GRK5: variants seen among roughly 807,000 people sequenced by gnomAD.
GRK5 encodes g protein-coupled receptor kinase GRK5.
GRK5 carries 40 observed loss-of-function variants against 78.4 expected under a neutral mutation model. The observed-to-expected ratio is 0.51, with a 90% CI of 0.40 to 0.66. GRK5 has a LOEUF of 0.66. GRK5 is among the 30% of genes least tolerant of loss of function. The probability of loss-of-function intolerance (pLI) is 0.00; values close to 1 mark genes in which losing one functional copy is unlikely to be tolerated. For missense variants in GRK5, 598 were observed against 759.9 expected (o/e 0.79, Z 2.50); for synonymous variants, 289 against 296.8 (o/e 0.97, Z 0.27).
At chr10:119,380,787 C>T (rs778956510) in intron 2 of GRK5, 28 bp from the exon 3 acceptor site, 7 of 1,433,262 alleles carry the variant, frequency 4.9e-6, no homozygotes, top group Non-Finnish European at 6.9e-6. Flanking sequence ...TCCTGGGTCT[C>T]ATCACATTCT....
At chr10:119,211,409 G>A (rs1848484403) in intron 1 of GRK5, 2 of 152,178 alleles carry the variant, frequency 1.3e-5, no homozygotes, top group Non-Finnish European at 2.9e-5. Flanking sequence ...AGAGTTTGCT[G>A]AGTGCCTTTT....
chr10:119,370,563 T>A (rs1851530499), intron 2 of GRK5, among the ~76,000 whole-genome samples: 1 of 152,224 alleles, frequency 6.6e-6, no homozygotes, highest in Non-Finnish European at 1.5e-5. Flanking sequence ...AAATGTTTCC[T>A]TTTTCCTCTC....
chr10:119,405,288 G>C (rs924641499), intron 4 of GRK5, among the ~76,000 whole-genome samples: 21 of 152,254 alleles, frequency 1.4e-4, no homozygotes, highest in Admixed American at 5.2e-4. Context: ...GCAGCTCTTA[G>C]AGCGCATTTC....
At chr10:119,339,790 A>C (rs1850953907) in intron 2 of GRK5, among the ~76,000 whole-genome samples, 2 of 152,082 alleles carry the variant, frequency 1.3e-5, no homozygotes, top group South Asian at 4.1e-4. Context: ...GCTACTTGGG[A>C]GGTTGAGGCA....
intron 2 of GRK5, among the ~76,000 whole-genome samples, chr10:119,327,247 A>T (rs1041482338): frequency 6.6e-6 from 1 of 152,148 alleles, no homozygotes. Context: ...CAGCCAACCA[A>T]GTGGGTCTGT....
intron 1 of GRK5, among the ~76,000 whole-genome samples, chr10:119,227,577 C>T (rs1428236129): frequency 6.6e-6 from 1 of 151,864 alleles, no homozygotes; most frequent in Non-Finnish European, 1.5e-5. Context: ...TCTCAAACAA[C>T]AACAACAGCA....
At chr10:119,305,041 C>G (rs1384588994) in intron 1 of GRK5, among the ~76,000 whole-genome samples, 1 of 147,608 alleles carries the variant, frequency 6.8e-6, no homozygotes, top group Non-Finnish European at 1.5e-5. Context: ...TTTTCTTTTG[C>G]TGACACCTGT....
chr10:119,313,580 G>A (rs1191178410), intron 1 of GRK5, among the ~76,000 whole-genome samples: 1 of 152,160 alleles, frequency 6.6e-6, no homozygotes, highest in African/African-American at 2.4e-5. Context: ...TTGCAGTGAA[G>A]ATGTCATGAG....
At chr10:119,279,957 C>T (rs1849734188) in intron 1 of GRK5, among the ~76,000 whole-genome samples, 1 of 152,166 alleles carries the variant, frequency 6.6e-6, no homozygotes, top group Non-Finnish European at 1.5e-5. Context: ...GCTACACTGG[C>T]TCTTTTCATC....
chr10:119,268,816 C>T (rs1026263757), intron 1 of GRK5, among the ~76,000 whole-genome samples: 5 of 152,230 alleles, frequency 3.3e-5, no homozygotes, highest in Admixed American at 6.5e-5. Context: ...GCCTAAGAAA[C>T]GCTACCCTGG....
chr10:119,446,990 G>T (rs1853163141), intron 12 of GRK5, among the ~76,000 whole-genome samples: 1 of 152,248 alleles, frequency 6.6e-6, no homozygotes, highest in Non-Finnish European at 1.5e-5. Flanking sequence ...CTGGATTTTA[G>T]CCTCAAAGCA....
Position 119,430,869 on chromosome 10 carries a change from T to C in GRK5, c.597+431T>C, listed in dbSNP as rs888873560. The stretch of plus-strand genomic sequence containing the variant: ...TGTGAGGCAAGCCTTGTTATTCCCA[T>C]TTTAGAGATGAGGAAAGCTGAGGTC... On this transcript the variant is annotated intron_variant, in intron 7 of 15. Transcript: ENST00000392870. This position sits in a 1 kb window ranked among gnomAD's most constrained non-coding sequence, Gnocchi z 4.5. 8.5e-5 allele frequency among the ~76,000 whole-genome samples: 13 copies of C among 152,166 alleles called. No homozygotes were observed. Among genetic ancestry groups the C allele is most frequent in the African/African-American group, 3.1e-4 (13 of 41,438 alleles).
At chr10:119,446,992 C>T (rs1853163318) in intron 12 of GRK5, among the ~76,000 whole-genome samples, 1 of 152,248 alleles carries the variant, frequency 6.6e-6, no homozygotes, top group Admixed American at 6.5e-5. Flanking sequence ...GGATTTTAGC[C>T]TCAAAGCAGA....
At chr10:119,316,172 A>C (rs1321299389) in intron 1 of GRK5, among the ~76,000 whole-genome samples, 1 of 152,098 alleles carries the variant, frequency 6.6e-6, no homozygotes, top group Non-Finnish European at 1.5e-5. Flanking sequence ...CTGAGCTGAG[A>C]GCTGGGCTGG....
intron 1 of GRK5, among the ~76,000 whole-genome samples, chr10:119,221,087 C>T (rs762745019): frequency 6.6e-5 from 10 of 151,600 alleles, no homozygotes; most frequent in East Asian, 1.9e-4. Context: ...ACCCGGGAGG[C>T]GGAGGTTGCA....
intron 2 of GRK5, among the ~76,000 whole-genome samples, chr10:119,326,850 C>T (rs1312395804): frequency 6.6e-6 from 1 of 152,258 alleles, no homozygotes; most frequent in African/African-American, 2.4e-5. Context: ...AGAGTGACCT[C>T]CTCCCAGTTA....
chr10:119,318,220 C>G lies in GRK5; in HGVS notation c.53-8296C>G, dbSNP rs117780957. ...GAGTCAGAACAGCAGAGCCCTGGTT[C>G]AGGTTATGATACACACTCCCTGATT... On this transcript the variant is annotated intron_variant, in intron 1 of 15. Coordinates refer to ENST00000392870, the MANE Select transcript of GRK5 (RefSeq NM_005308.3). 1.3e-3 allele frequency among the ~76,000 whole-genome samples: 204 copies of G among 152,348 alleles called. 3 individuals carry two copies. In the East Asian group the frequency reaches 0.037, roughly 27 times the overall value.
intron 4 of GRK5, among the ~76,000 whole-genome samples, chr10:119,416,784 G>C (rs558684745): frequency 6.6e-6 from 1 of 152,282 alleles, no homozygotes; most frequent in Non-Finnish European, 1.5e-5. Flanking sequence ...AGTAGAGATG[G>C]GGTTTCACCA....
chr10:119,212,418 C>T (rs1848502881), intron 1 of GRK5, among the ~76,000 whole-genome samples: 1 of 152,188 alleles, frequency 6.6e-6, no homozygotes, highest in Non-Finnish European at 1.5e-5. Flanking sequence ...TAAATTATGT[C>T]TTCAGAAGCT....
Sources: gnomAD v4.1 joint callset for allele counts (sites outside exome capture counted in the v4.1 genomes callset) on GRCh38, gnomAD v4.1.1 for gene constraint, Gnocchi (gnomAD v3.1) non-coding constraint, MANE v1.5 for transcripts, NCBI Gene and HGNC (gene_info 2026-07-23, HGNC 2026-07-21) for gene names.